LPP: variants seen among roughly 807,000 people sequenced by gnomAD.
The protein encoded by LPP is lipoma-preferred partner.
Under a neutral mutation model 60.4 loss-of-function variants are expected in LPP, and 38 were observed. That is an observed-to-expected ratio of 0.63 (90% CI 0.49 to 0.83). The LOEUF (loss-of-function observed/expected upper bound fraction) is 0.83. Ranked by LOEUF, LPP falls within the 40% of genes least tolerant of loss-of-function variation. The pLI, the probability that LPP is intolerant of heterozygous loss-of-function variation, is 0.00. For missense variants in LPP, 902 were observed against 783.6 expected, an observed-to-expected ratio of 1.15 and a Z score of -1.80; for synonymous variants, 328 against 290.8, an observed-to-expected ratio of 1.13 and a Z score of -1.30.
At chr3:188,756,155 T>C (rs886501045) in intron 8 of LPP, among the ~76,000 whole-genome samples, 1 of 152,114 alleles carries the variant, frequency 6.6e-6, no homozygotes, top group Non-Finnish European at 1.5e-5. Flanking sequence ...ATTGCTGAGG[T>C]TGCTATAGAT....
intron 4 of LPP, among the ~76,000 whole-genome samples, chr3:188,478,292 T>C (rs1383792151): frequency 6.6e-6 from 1 of 152,228 alleles, no homozygotes; most frequent in African/African-American, 2.4e-5. Flanking sequence ...AGCTCAGTTA[T>C]GTTCAAAATG....
At chr3:188,872,517 C>T in intron 10 of LPP, 126 bp from the exon 11 acceptor site, 4 of 1,004,214 alleles carry the variant, frequency 4.0e-6, no homozygotes, top group Non-Finnish European at 6.1e-6. Context: ...CTGAGTCTAA[C>T]TCCCTCACCT....
At chr3:188,358,392 G>A (rs1204218072) in intron 3 of LPP, among the ~76,000 whole-genome samples, 1 of 152,170 alleles carries the variant, frequency 6.6e-6, no homozygotes, top group African/African-American at 2.4e-5. Flanking sequence ...GAAAGGATTA[G>A]GGAAGAAGTA....
At chr3:188,261,366 A>G (rs1236525506) in intron 2 of LPP, among the ~76,000 whole-genome samples, 1 of 152,176 alleles carries the variant, frequency 6.6e-6, no homozygotes, top group Non-Finnish European at 1.5e-5. Context: ...ACAGACACAC[A>G]CACACACATA....
chr3:188,354,093 A>G (rs1463641981), intron 3 of LPP, among the ~76,000 whole-genome samples: 1 of 152,114 alleles, frequency 6.6e-6, no homozygotes, highest in Non-Finnish European at 1.5e-5. Flanking sequence ...GACATTCATT[A>G]TACTTTCCTA....
rs1342233232 is a variant in LPP, at chr3:188,262,756, A to T, written c.-67+37229A>T. On this transcript the variant is annotated intron_variant, in intron 2 of 11. Coordinates refer to ENST00000617246, the MANE Select transcript of LPP (RefSeq NM_001375462.1). ...CTCACACACACACACGGGGAAAAAA[A>T]ATCACTCGAGTTAAGAATCAGTCTC... Among the ~76,000 whole-genome samples, 8 of 151,892 alleles carry T rather than the reference A, an allele frequency of 5.3e-5. No homozygotes were observed. In the South Asian group the frequency reaches 1.0e-3, roughly 20 times the overall value.
chr3:188,631,326 G>A (rs1428813248), intron 7 of LPP, among the ~76,000 whole-genome samples: 1 of 152,116 alleles, frequency 6.6e-6, no homozygotes, highest in Non-Finnish European at 1.5e-5. Context: ...ATTGTTGTTT[G>A]AAATTTAAGA....
intron 2 of LPP, among the ~76,000 whole-genome samples, chr3:188,304,421 G>A (rs745658556): frequency 2.2e-4 from 33 of 152,144 alleles, no homozygotes; most frequent in Non-Finnish European, 4.4e-4. Flanking sequence ...GGAGTATAAT[G>A]CGAATGTTAA....
intron 7 of LPP, among the ~76,000 whole-genome samples, chr3:188,678,278 A>G (rs754424447): frequency 2.6e-5 from 4 of 152,222 alleles, no homozygotes; most frequent in African/African-American, 7.2e-5. Context: ...ATAACAAACC[A>G]AAGTCTTCTT....
At chr3:188,737,153 T>A (rs932024011) in intron 8 of LPP, among the ~76,000 whole-genome samples, 1 of 152,212 alleles carries the variant, frequency 6.6e-6, no homozygotes, top group Non-Finnish European at 1.5e-5. Context: ...TGAACATGTG[T>A]TATTTTCATA....
chr3:188,452,905 CCTGATG>C (rs1796918465), intron 4 of LPP, among the ~76,000 whole-genome samples: 1 of 152,066 alleles, frequency 6.6e-6, no homozygotes, highest in Non-Finnish European at 1.5e-5. Context: ...CTATTTTGCC[CCTGATG>C]CTGTTTCTTT....
At chr3:188,203,496 TATATAA>T (rs1405536267) in intron 1 of LPP, among the ~76,000 whole-genome samples, 4 of 69,708 alleles carry the variant, frequency 5.7e-5, no homozygotes, top group African/African-American at 1.1e-4. Context: ...TTTTTAAATA[TATATAA>T]ATATATATAT....
chr3:188,837,419 A>G lies in LPP; in HGVS notation c.1411-28781A>G, dbSNP rs1758768437. On this transcript the variant is annotated intron_variant, in intron 9 of 11. Coordinates refer to ENST00000617246, the MANE Select transcript of LPP (RefSeq NM_001375462.1). ...AATAATAATAATAATAATAATAATA[A>G]TAATCTGTGCTTCCTGCTTAATTTC... is the stretch of plus-strand genomic sequence containing the variant. Among the ~76,000 whole-genome samples, 5 of 140,606 alleles carry G rather than the reference A, an allele frequency of 3.6e-5. No homozygotes were observed. In the South Asian group the frequency reaches 1.2e-3, roughly 33 times the overall value. The allele number at this position is 140,606 out of a possible 152,430, so 92.2% of individuals were successfully genotyped here.
At chr3:188,778,982 GA>G (rs2150823854) in intron 9 of LPP, among the ~76,000 whole-genome samples, 1 of 152,230 alleles carries the variant, frequency 6.6e-6, no homozygotes, top group South Asian at 2.1e-4. Context: ...GAAATGTATT[GA>G]ATTTGAGAGT....
chr3:188,855,299 A>T (rs1361125536), intron 9 of LPP, among the ~76,000 whole-genome samples: 1 of 152,214 alleles, frequency 6.6e-6, no homozygotes, highest in Non-Finnish European at 1.5e-5. Flanking sequence ...ATACTTACTG[A>T]TTGCCTGTTA....
At chr3:188,822,145 G>A (rs1754149133) in intron 9 of LPP, among the ~76,000 whole-genome samples, 1 of 152,136 alleles carries the variant, frequency 6.6e-6, no homozygotes, top group East Asian at 1.9e-4. Flanking sequence ...TACTAGCTAA[G>A]TTGTCTTGGA....
intron 5 of LPP, among the ~76,000 whole-genome samples, chr3:188,517,141 A>C (rs9824457): frequency 0.16 from 24,748 of 152,134 alleles, 2,165 homozygotes; most frequent in Non-Finnish European, 0.18. Flanking sequence ...GCATAAACCT[A>C]TTTAATTTTT....
At chr3:188,712,427 C>T (rs759495487) in intron 8 of LPP, 3 of 152,210 alleles carry the variant, frequency 2.0e-5, no homozygotes, top group African/African-American at 4.8e-5. Context: ...GATATTAGCA[C>T]TGTGTTGGGT....
In LPP at chr3:188,182,569, A is replaced by T. The variant is rs1417084087; in HGVS notation, c.-190+28317A>T. Among the ~76,000 whole-genome samples, 1 of 152,060 alleles carries T rather than the reference A, an allele frequency of 6.6e-6. No homozygotes were observed. The highest frequency in any genetic ancestry group is 1.5e-5 in the Non-Finnish European group (1 of 68,002). On this transcript the variant is annotated intron_variant, in intron 1 of 11. Coordinates refer to ENST00000617246, the MANE Select transcript of LPP (RefSeq NM_001375462.1). This position sits in a 1 kb window ranked among gnomAD's most constrained non-coding sequence, Gnocchi z 4.4. ...TTGTGATAGATAGAGGAGGGAGCAA[A>T]TATTTAATTAGCACCTGCTATGTGC...
Sources: allele counts gnomAD v4.1 joint callset (sites outside exome capture counted in the v4.1 genomes callset), GRCh38; gene constraint gnomAD v4.1.1; non-coding constraint Gnocchi (gnomAD v3.1); transcripts MANE v1.5; gene names NCBI Gene and HGNC (gene_info 2026-07-23, HGNC 2026-07-21).